Variants in PAPPA2 observed in about 807,000 individuals in gnomAD.
The protein encoded by PAPPA2 is pappalysin-2.
In PAPPA2, 86 loss-of-function variants were observed where a neutral mutation model predicts 176.4. The observed-to-expected ratio is 0.49, with a 90% CI of 0.41 to 0.58. PAPPA2 has a LOEUF of 0.58. Among genes scored for constraint, PAPPA2 ranks in the 20% least tolerant of loss-of-function variants. The probability of loss-of-function intolerance (pLI) is 0.00; values close to 1 mark genes in which losing one functional copy is unlikely to be tolerated. For missense variants in PAPPA2, 2,073 were observed against 2,256.9 expected (o/e 0.92, Z 1.65); for synonymous variants, 809 against 852.2 (o/e 0.95, Z 0.88).
chr1:176,655,159 A>T, intron 3 of PAPPA2, among the ~76,000 whole-genome samples: 1 of 151,808 alleles, frequency 6.6e-6, no homozygotes, highest in East Asian at 1.9e-4. Flanking sequence ...ACTTGTTGAA[A>T]GGAATGCTTT....
At position 176,558,077 on chromosome 1, in the gene PAPPA2, T is replaced by G. The variant is rs188896020; in HGVS notation, c.919+836T>G. Among the ~76,000 whole-genome samples the G allele has an allele frequency of 2.6e-5, 4 of 152,306 alleles. No individual in the cohort carries two copies. The East Asian group carries it at 7.7e-4, about 29-fold the overall frequency. ...TAAGAGTAACTGTTCCCTGTTGCCT[T>G]ACTGGGAAAGTTGGAATGAAGCAAG... On this transcript the variant is annotated intron_variant, in intron 2 of 22. Transcript: ENST00000367662.
intron 1 of PAPPA2, among the ~76,000 whole-genome samples, chr1:176,532,561 T>C (rs1649871422): frequency 6.6e-6 from 1 of 152,200 alleles, no homozygotes; most frequent in Non-Finnish European, 1.5e-5. Context: ...GGGTAACAAA[T>C]GTGTGCCAGG....
chr1:176,538,334 A>G (rs1284865291), intron 1 of PAPPA2, among the ~76,000 whole-genome samples: 1 of 152,182 alleles, frequency 6.6e-6, no homozygotes, highest in Non-Finnish European at 1.5e-5. Flanking sequence ...TAATCTTCAC[A>G]ACCACCAGTG....
chr1:176,731,322 C>T (rs531170855), intron 12 of PAPPA2, among the ~76,000 whole-genome samples: 6 of 151,942 alleles, frequency 3.9e-5, no homozygotes, highest in South Asian at 4.1e-4. Context: ...AATTTTGAGA[C>T]GGAGTCTCAC....
Position 176,840,226 on chromosome 1 carries a change from C to T in PAPPA2, c.5256C>T (p.His1752=). 6.2e-7 allele frequency: 1 copy of T among 1,613,554 alleles called. No homozygotes were observed. Among genetic ancestry groups the T allele is most frequent in the Non-Finnish European group, 8.5e-7 (1 of 1,179,690 alleles). Residue 1752 remains histidine, a synonymous_variant, in exon 22 of 23, where the codon CAC becomes CAT. Coordinates refer to ENST00000367662, the MANE Select transcript of PAPPA2 (RefSeq NM_020318.3). ...CDTINNRAYC[H]YDGGDCCSST... is the part of the protein sequence containing the mutation. Reference sequence around the variant, plus strand: ...CTATCAACAACCGAGCCTACTGCCACTATGACGGGGGAGACTGCTGCTCTT... The same window carrying T: ...CTATCAACAACCGAGCCTACTGCCATTATGACGGGGGAGACTGCTGCTCTT...
Position 176,555,539 on chromosome 1 carries a change from G to T in PAPPA2, c.-784G>T, listed in dbSNP as rs1202930205. On this transcript the variant is annotated 5_prime_UTR_variant, in exon 2 of 23. Transcript: ENST00000367662. ...CAACAAGTTGGATGAGGGATTAAAA[G>T]CCTTCAACAACCAACAACCCCAAGC... The T allele has an allele frequency of 6.6e-6, 1 of 152,250 alleles. No homozygotes were observed. Among genetic ancestry groups the T allele is most frequent in the South Asian group, 2.1e-4 (1 of 4,824 alleles). 9.4% of individuals were successfully genotyped at this position (152,250 alleles called of 1,614,324 possible). A position where few individuals can be genotyped will look rare whatever the true frequency, so the allele number is the denominator to read the frequency against.
chr1:176,805,050 C>T (rs1665841247), intron 21 of PAPPA2, among the ~76,000 whole-genome samples: 1 of 133,012 alleles, frequency 7.5e-6, no homozygotes, highest in Non-Finnish European at 1.6e-5. Flanking sequence ...TAATAGATTA[C>T]CTTCTTCCTT....
At chr1:176,564,434 G>T (rs1367677197) in intron 2 of PAPPA2, among the ~76,000 whole-genome samples, 2 of 152,204 alleles carry the variant, frequency 1.3e-5, no homozygotes, top group Non-Finnish European at 2.9e-5. Context: ...ACATTTCTAT[G>T]CCTGTGTTCC....
chr1:176,553,829 C>G (rs1037819230), intron 1 of PAPPA2: 1 of 152,044 alleles, frequency 6.6e-6, no homozygotes, highest in African/African-American at 2.4e-5. Flanking sequence ...TTTACTTGAA[C>G]TAAACCTCCT....
intron 1 of PAPPA2, among the ~76,000 whole-genome samples, chr1:176,508,541 CAT>C (rs1021439550): frequency 1.3e-5 from 2 of 151,030 alleles, no homozygotes; most frequent in African/African-American, 4.9e-5. Flanking sequence ...AACTTGAAAA[CAT>C]AAATGAAAAC....
At chr1:176,839,514 G>A (rs1217204532) in intron 21 of PAPPA2, among the ~76,000 whole-genome samples, 1 of 152,078 alleles carries the variant, frequency 6.6e-6, no homozygotes, top group Non-Finnish European at 1.5e-5. Flanking sequence ...GTACCTGTGG[G>A]AATATTTGTG....
At chr1:176,569,683 G>A (rs993324369) in intron 2 of PAPPA2, among the ~76,000 whole-genome samples, 2 of 152,216 alleles carry the variant, frequency 1.3e-5, no homozygotes, top group Non-Finnish European at 2.9e-5. Context: ...GCTGTCTGGG[G>A]TCAGAGGCTG....
intron 3 of PAPPA2, among the ~76,000 whole-genome samples, chr1:176,652,549 C>T (rs544976326): frequency 6.6e-6 from 1 of 151,818 alleles, no homozygotes; most frequent in Non-Finnish European, 1.5e-5. Flanking sequence ...AAGTCTGCTA[C>T]AGCATGGTCT....
At position 176,595,648 on chromosome 1, in the gene PAPPA2, A is replaced by AT. The variant is rs1195560752; in HGVS notation, c.1991+57dup. 4 of 1,521,816 alleles carry AT rather than the reference A, an allele frequency of 2.6e-6. No homozygotes were observed. In the African/African-American group the frequency reaches 5.5e-5, roughly 21 times the overall value. 94.3% of individuals were successfully genotyped at this position (1,521,816 alleles called of 1,614,324 possible). ...ACTTGTAGGATGCATTTCTAACATC[A>AT]TTTTATCTGTTTGGTTTTGGAGGCA... is the stretch of plus-strand genomic sequence containing the variant. On this transcript the variant is annotated intron_variant, in intron 3 of 22. Transcript: ENST00000367662.
Position 176,699,427 on chromosome 1 carries a change from T to C in PAPPA2, c.3074T>C (p.Phe1025Ser). 2 of 1,614,044 alleles carry C rather than the reference T, an allele frequency of 1.2e-6. No homozygotes were observed. Among genetic ancestry groups the C allele is most frequent in the South Asian group, 1.1e-5 (1 of 91,066 alleles). The change falls in exon 8 of 23, where the codon TTT becomes TCT. Residue 1025 changes from phenylalanine to serine, a missense_variant. Physicochemically the swap from Phe to Ser is radical, Grantham distance 155 (BLOSUM62 -2). Transcript: ENST00000367662. ...GKVSGVKVYT[F>S]DERIEIDAAL... ...GTGTCGGGGGTGAAAGTCTACACCTTTGATGAGAGGATAGAGATTGATGCA... is the reference window on the plus strand; with the variant it reads ...GTGTCGGGGGTGAAAGTCTACACCTCTGATGAGAGGATAGAGATTGATGCA...
chr1:176,747,154 C>T (rs143898896), intron 14 of PAPPA2, among the ~76,000 whole-genome samples: 51 of 152,306 alleles, frequency 3.3e-4, no homozygotes, highest in African/African-American at 1.0e-3. Context: ...TTCAAGAAAT[C>T]CTGCCACCCT....
At chr1:176,589,691 C>T (rs929480798) in intron 2 of PAPPA2, among the ~76,000 whole-genome samples, 2 of 152,162 alleles carry the variant, frequency 1.3e-5, no homozygotes, top group Non-Finnish European at 2.9e-5. Flanking sequence ...TCCCTCTGTT[C>T]TTTCCAAGAA....
intron 1 of PAPPA2, among the ~76,000 whole-genome samples, 171 bp downstream of exon 1, chr1:176,463,589 C>T (rs1651478820): frequency 6.6e-6 from 1 of 152,212 alleles, no homozygotes; most frequent in African/African-American, 2.4e-5. Flanking sequence ...CTCCCTTTAG[C>T]ATCATTGTTC....
chr1:176,660,344 G>A (rs1319122684), intron 3 of PAPPA2, among the ~76,000 whole-genome samples: 1 of 150,842 alleles, frequency 6.6e-6, no homozygotes, highest in Middle Eastern at 3.2e-3. Flanking sequence ...GTTTGTGTGT[G>A]TGTGTGTGTG....
Sources: allele counts gnomAD v4.1 joint callset (sites outside exome capture counted in the v4.1 genomes callset), GRCh38; gene constraint gnomAD v4.1.1; transcripts MANE v1.5; gene names NCBI Gene and HGNC (gene_info 2026-07-23, HGNC 2026-07-21).